The following NNT variants were observed in gnomAD, a reference collection of about 807,000 sequenced individuals.
NNT encodes nicotinamide nucleotide transhydrogenase.
A neutral mutation model predicts 104.8 loss-of-function variants in NNT; 50 were observed. That is an observed-to-expected ratio of 0.48 (90% CI 0.38 to 0.60). The LOEUF is 0.60. Among genes scored for constraint, NNT ranks in the 20% least tolerant of loss-of-function variants. The pLI is 0.00. For missense variants in NNT, 1,131 were observed against 1,330.7 expected (o/e 0.85, Z 2.33); for synonymous variants, 461 against 490.4 (o/e 0.94, Z 0.79).
rs1032445593 is a variant in NNT, at chr5:43,666,714, C to T, written c.2634+7364C>T. ...CCCCATGCAGATGGTAGCCCAGGGA[C>T]GGGGGTGGGGGGTCGCACCAGTCCT... is the stretch of plus-strand genomic sequence containing the variant. On this transcript the variant is annotated intron_variant, in intron 17 of 21. Coordinates refer to ENST00000344920, the MANE Select transcript of NNT (RefSeq NM_182977.3). 4.5e-5 allele frequency: 48 copies of T among 1,064,588 alleles called. No homozygotes were observed. In the Middle Eastern group the frequency reaches 9.4e-4, roughly 21 times the overall value. 65.9% of individuals were successfully genotyped at this position (1,064,588 alleles called of 1,614,324 possible).
intron 19 of NNT, among the ~76,000 whole-genome samples, chr5:43,699,580 CT>C (rs2112244201): frequency 6.6e-6 from 1 of 152,216 alleles, no homozygotes; most frequent in East Asian, 1.9e-4. Flanking sequence ...TCTTGAACTC[CT>C]GACCTCAAGT....
chr5:43,697,325 C>A (rs962561923), intron 19 of NNT, among the ~76,000 whole-genome samples: 1 of 152,184 alleles, frequency 6.6e-6, no homozygotes, highest in Non-Finnish European at 1.5e-5. Flanking sequence ...CAGTTCCCAA[C>A]AAGTTCCTCA....
chr5:43,703,904 A>G (rs941138957), intron 21 of NNT, among the ~76,000 whole-genome samples: 2 of 152,210 alleles, frequency 1.3e-5, no homozygotes, highest in Non-Finnish European at 2.9e-5. Context: ...TGTTTTCTTT[A>G]GCACATTCAT....
At chr5:43,699,242 C>T (rs1174458004) in intron 19 of NNT, among the ~76,000 whole-genome samples, 1 of 151,890 alleles carries the variant, frequency 6.6e-6, no homozygotes, top group African/African-American at 2.4e-5. Flanking sequence ...TTTAGATGCT[C>T]CTGTGTGTTC....
intron 20 of NNT, among the ~76,000 whole-genome samples, chr5:43,700,548 G>A (rs905146376): frequency 6.6e-6 from 1 of 152,168 alleles, no homozygotes; most frequent in Non-Finnish European, 1.5e-5. Flanking sequence ...TCCAGATCCT[G>A]ATTCTCAGTA....
chr5:43,607,031 A>G (rs1257670073), intron 1 of NNT, among the ~76,000 whole-genome samples: 5 of 151,174 alleles, frequency 3.3e-5, no homozygotes, highest in African/African-American at 1.2e-4. Flanking sequence ...TCTCTCGCCC[A>G]GGCTGGCAGG....
chr5:43,671,773 C>G (rs1457948204), intron 17 of NNT, among the ~76,000 whole-genome samples: 1 of 152,014 alleles, frequency 6.6e-6, no homozygotes, highest in Non-Finnish European at 1.5e-5. Flanking sequence ...TGGAGTTGCT[C>G]TTCTTGAGGA....
chr5:43,608,168 A>T (rs1014423556), intron 1 of NNT, among the ~76,000 whole-genome samples: 2 of 151,868 alleles, frequency 1.3e-5, no homozygotes, highest in African/African-American at 4.8e-5. Context: ...TGACCTCGTG[A>T]TCTGCTCACC....
intron 17 of NNT, among the ~76,000 whole-genome samples, chr5:43,666,085 A>C (rs1158162846): frequency 6.9e-6 from 1 of 143,900 alleles, no homozygotes; most frequent in Non-Finnish European, 1.5e-5. Flanking sequence ...GACGGCCGGG[A>C]AGAGGCGCTC....
rs773570491 is a variant in NNT at position 43,700,152 on chromosome 5, T to C, written c.2910T>C (p.Pro970=). 3.2e-5 allele frequency: 51 copies of C among 1,613,320 alleles called. No individual in the cohort carries two copies. The highest frequency in any genetic ancestry group is 4.2e-5 in the Non-Finnish European group (49 of 1,179,566). The part of the protein sequence containing the change: ...FGIHPVAGRM[P]GQLNVLLAEA... ...TTCACCCAGTTGCAGGCCGAATGCC[T>C]GGTCAGCTTAATGTGCTGCTGGCTG... The change falls in exon 20 of 22, where the codon CCT becomes CCC. Residue 970 remains proline (P), a synonymous_variant. Transcript: ENST00000344920.
In NNT at chr5:43,652,368, A is replaced by G. The variant is rs1343788815; in HGVS notation, c.1863+484A>G. On this transcript the variant is annotated intron_variant, in intron 13 of 21. Transcript: ENST00000344920. ...AAGGATAGTTTAAACTTAATGTTGT[A>G]TAGAAAAACAGAAATAATCCAGCTG... 2.0e-5 allele frequency among the ~76,000 whole-genome samples: 3 copies of G among 152,236 alleles called. No individual in the cohort carries two copies. In the South Asian group the frequency reaches 6.2e-4, roughly 32 times the overall value.
At chr5:43,684,286 G>C (rs1307142968) in intron 19 of NNT, among the ~76,000 whole-genome samples, 2 of 151,182 alleles carry the variant, frequency 1.3e-5, no homozygotes, top group Non-Finnish European at 2.9e-5. Flanking sequence ...CAGAGTAGCA[G>C]TTCAGCCCTT....
At chr5:43,646,004 C>T (rs1250419844) in intron 10 of NNT, among the ~76,000 whole-genome samples, 1 of 151,914 alleles carries the variant, frequency 6.6e-6, no homozygotes, top group African/African-American at 2.4e-5. Context: ...TGAGCCACTG[C>T]ACCCGGCCTG....
At chr5:43,645,895 A>G (rs1352777397) in intron 10 of NNT, among the ~76,000 whole-genome samples, 2 of 150,764 alleles carry the variant, frequency 1.3e-5, no homozygotes, top group Non-Finnish European at 3.0e-5. Flanking sequence ...TTGTATTTTT[A>G]GTAGAGACGG....
intron 7 of NNT, among the ~76,000 whole-genome samples, chr5:43,629,956 T>C (rs1367006838): frequency 2.0e-5 from 3 of 152,242 alleles, no homozygotes; most frequent in African/African-American, 7.2e-5. Context: ...TCTTTTACTG[T>C]GCAAAAGCTT....
chr5:43,698,081 T>TACAC lies in NNT; in HGVS notation c.2877-2022_2877-2019dup, dbSNP rs113357086. On this transcript the variant is annotated intron_variant, in intron 19 of 21. Transcript: ENST00000344920. Reference sequence around the variant, plus strand: ...GAGGTGGAGTTTCTCTTTGGATATATACACACACACACACACACATATACA... The same window carrying TACAC: ...GAGGTGGAGTTTCTCTTTGGATATATACACACACACACACACACACACATATACA... Among the ~76,000 whole-genome samples the TACAC allele has an allele frequency of 1.1e-3, 168 of 150,154 alleles. 2 individuals carry two copies. The highest frequency in any genetic ancestry group is 3.0e-3 in the African/African-American group (125 of 41,042).
At chr5:43,603,689 G>T (rs955655866) in intron 1 of NNT, among the ~76,000 whole-genome samples, 8 of 152,176 alleles carry the variant, frequency 5.3e-5, no homozygotes, top group African/African-American at 1.2e-4. Flanking sequence ...AAGATCGGGG[G>T]TGGTGGAGAG....
At chr5:43,605,522 CAAA>C (rs70997416) in intron 1 of NNT, among the ~76,000 whole-genome samples, 4 of 37,762 alleles carry the variant, frequency 1.1e-4, no homozygotes, top group African/African-American at 4.0e-4. Flanking sequence ...GACTCCGTCT[CAAA>C]AAAAAAAAAA....
At chr5:43,641,061 G>T (rs1354868321) in intron 7 of NNT, among the ~76,000 whole-genome samples, 1 of 151,702 alleles carries the variant, frequency 6.6e-6, no homozygotes, top group African/African-American at 2.4e-5. Flanking sequence ...ATGGTATTAG[G>T]TTTGGGTAGA....
Sources: gnomAD v4.1 joint callset for allele counts (sites outside exome capture counted in the v4.1 genomes callset) on GRCh38, gnomAD v4.1.1 for gene constraint, MANE v1.5 for transcripts, NCBI Gene and HGNC (gene_info 2026-07-23, HGNC 2026-07-21) for gene names.